The following ZC3H12B variants were observed in gnomAD, a reference collection of about 807,000 sequenced individuals.
The protein encoded by ZC3H12B is probable ribonuclease ZC3H12B.
Under a neutral mutation model 43.9 loss-of-function variants are expected in ZC3H12B, and 7 were observed. The ratio of observed to expected loss-of-function variants is 0.16; its 90% CI spans 0.09 to 0.30. The LOEUF is 0.30. Among genes scored for constraint, ZC3H12B ranks in the 10% least tolerant of loss-of-function variants. The pLI is 1.00. For missense variants in ZC3H12B, 475 were observed against 670.2 expected (o/e 0.71, Z 3.22); for synonymous variants, 222 against 241.7 (o/e 0.92, Z 0.76).
At chrX:65,287,746 C>T in the ZC3H12B span, among the ~76,000 whole-genome samples, 1 of 110,876 alleles carries the variant, frequency 9.0e-6, no homozygotes, top group Non-Finnish European at 1.9e-5. Flanking sequence ...TAACAATGCA[C>T]CTCAAGGAAC....
the ZC3H12B span, among the ~76,000 whole-genome samples, chrX:65,122,387 A>G: frequency 2.3e-4 from 26 of 111,402 alleles, no homozygotes; most frequent in African/African-American, 7.8e-4. Flanking sequence ...TGAAGGAAGC[A>G]CTAACATGGA....
At chrX:65,211,165 C>A in the ZC3H12B span, among the ~76,000 whole-genome samples, 1 of 97,260 alleles carries the variant, frequency 1.0e-5, no homozygotes, top group Non-Finnish European at 2.0e-5. Flanking sequence ...TTGTTTGTTT[C>A]TTTTCTTGTA....
At chrX:65,129,511 G>C in the ZC3H12B span, among the ~76,000 whole-genome samples, 3 of 109,505 alleles carry the variant, frequency 2.7e-5, no homozygotes, top group Non-Finnish European at 5.7e-5. Context: ...GTCACAAGGT[G>C]CTCAGTGGGG....
the ZC3H12B span, among the ~76,000 whole-genome samples, chrX:65,072,952 G>A: frequency 8.9e-6 from 1 of 112,669 alleles, no homozygotes; most frequent in South Asian, 3.6e-4. Flanking sequence ...AGTACTGTGT[G>A]TGCCCCCTTT....
chrX:65,415,048 G>A (rs776395810), intron 3 of ZC3H12B, among the ~76,000 whole-genome samples: 14 of 112,425 alleles, frequency 1.2e-4, no homozygotes, highest in East Asian at 2.8e-4. Flanking sequence ...CAATTAATAC[G>A]TGTAGATATA....
chrX:65,056,020 G>C, the ZC3H12B span, among the ~76,000 whole-genome samples: 1 of 110,920 alleles, frequency 9.0e-6, no homozygotes, highest in African/African-American at 3.3e-5. Flanking sequence ...CAATTTTGTT[G>C]ATCTTTTCAA....
chrX:65,134,693 C>T, the ZC3H12B span, among the ~76,000 whole-genome samples: 6 of 111,433 alleles, frequency 5.4e-5, no homozygotes, highest in African/African-American at 2.0e-4. Flanking sequence ...GTCCTCCTGT[C>T]CCGAGTCTTC....
the ZC3H12B span, among the ~76,000 whole-genome samples, chrX:65,189,593 T>C: frequency 9.5e-6 from 1 of 105,165 alleles, no homozygotes; most frequent in Non-Finnish European, 1.9e-5. Context: ...CATAAATGTC[T>C]TCTTTTGAGA....
the ZC3H12B span, among the ~76,000 whole-genome samples, chrX:65,205,311 C>T: frequency 9.0e-6 from 1 of 111,329 alleles, no homozygotes; most frequent in Non-Finnish European, 1.9e-5. Context: ...CTAGCACTTA[C>T]CAGCAAAAGA....
chrX:65,291,541 T>C, the ZC3H12B span, among the ~76,000 whole-genome samples: 8 of 112,146 alleles, frequency 7.1e-5, no homozygotes, highest in Non-Finnish European at 3.8e-5. Flanking sequence ...AATAGTCCAG[T>C]CACAGAATGA....
At chrX:65,152,108 A>G in the ZC3H12B span, among the ~76,000 whole-genome samples, 2 of 111,632 alleles carry the variant, frequency 1.8e-5, no homozygotes, top group African/African-American at 6.5e-5. Context: ...ATCTATGACA[A>G]ACCCACAGCC....
chrX:65,137,445 A>G, the ZC3H12B span, among the ~76,000 whole-genome samples: 9 of 112,146 alleles, frequency 8.0e-5, no homozygotes, highest in African/African-American at 2.9e-4. Flanking sequence ...GTTCGTTATG[A>G]TGAAATTCTA....
intron 3 of ZC3H12B, among the ~76,000 whole-genome samples, chrX:65,449,367 C>T (rs764631589): frequency 9.0e-6 from 1 of 111,650 alleles, no homozygotes; most frequent in Non-Finnish European, 1.9e-5. Flanking sequence ...GCCTGTAATC[C>T]TAGCACATTG....
chrX:65,347,152 C>T, the ZC3H12B span, among the ~76,000 whole-genome samples: 2 of 111,778 alleles, frequency 1.8e-5, no homozygotes, highest in Non-Finnish European at 3.8e-5. Context: ...TACTGATACC[C>T]ACGCAAACAG....
the ZC3H12B span, among the ~76,000 whole-genome samples, chrX:65,167,183 A>G: frequency 8.9e-6 from 1 of 111,804 alleles, no homozygotes. Context: ...TAGGTCTAAC[A>G]TTTAAGTCTT....
At chrX:65,383,002 C>A (rs954646548) in intron 2 of ZC3H12B, among the ~76,000 whole-genome samples, 3 of 111,109 alleles carry the variant, frequency 2.7e-5, no homozygotes, top group African/African-American at 1.0e-4. Context: ...TAGGAAGAAC[C>A]AATATCGTGA....
At chrX:65,138,909 A>G in the ZC3H12B span, among the ~76,000 whole-genome samples, 2 of 112,117 alleles carry the variant, frequency 1.8e-5, no homozygotes, top group Non-Finnish European at 3.8e-5. Context: ...GTCTACTGAG[A>G]TGCTTTGCCC....
chrX:65,202,283 A>C, the ZC3H12B span, among the ~76,000 whole-genome samples: 1 of 104,589 alleles, frequency 9.6e-6, no homozygotes, highest in Admixed American at 1.1e-4. Flanking sequence ...ATAGTCTTGA[A>C]GCTTGTGAAT....
the ZC3H12B span, among the ~76,000 whole-genome samples, chrX:65,145,673 G>A: frequency 4.5e-4 from 50 of 111,511 alleles, no homozygotes; most frequent in Non-Finnish European, 2.8e-4. Flanking sequence ...TGTAGTGCTG[G>A]TTTGGTAGTG....
Sources: allele counts gnomAD v4.1 joint callset (sites outside exome capture counted in the v4.1 genomes callset), GRCh38; gene constraint gnomAD v4.1.1; transcripts MANE v1.5; gene names NCBI Gene and HGNC (gene_info 2026-07-23, HGNC 2026-07-21).